Variants in ALK observed in about 807,000 individuals in gnomAD.
ALK encodes ALK tyrosine kinase receptor.
Under a neutral mutation model 163.1 loss-of-function variants are expected in ALK, and 74 were observed. That is an observed-to-expected ratio of 0.45 (90% confidence interval 0.38 to 0.55). The LOEUF is 0.55. ALK is among the 20% of genes least tolerant of loss of function. The pLI is 0.00. For missense variants in ALK, 2,063 were observed against 2,105.3 expected (o/e 0.98, Z 0.39); for synonymous variants, 960 against 843.2 (o/e 1.14, Z -2.40).
At chr2:29,647,184 C>T (rs926871523) in intron 3 of ALK, among the ~76,000 whole-genome samples, 3 of 152,282 alleles carry the variant, frequency 2.0e-5, no homozygotes, top group Admixed American at 6.5e-5. Flanking sequence ...AAATTCAATA[C>T]GGCAATGAAC....
At chr2:29,837,155 C>A (rs13417904) in intron 1 of ALK, among the ~76,000 whole-genome samples, 2 of 152,056 alleles carry the variant, frequency 1.3e-5, no homozygotes, top group Non-Finnish European at 2.9e-5. Context: ...TTAGCCTATC[C>A]GGAATTATAC....
chr2:29,354,271 G>A (rs982887562), intron 5 of ALK, among the ~76,000 whole-genome samples: 5 of 152,174 alleles, frequency 3.3e-5, no homozygotes, highest in African/African-American at 7.2e-5. Context: ...TGGTCTCTGC[G>A]CTGCGTGACT....
At chr2:29,774,038 C>T (rs1286453710) in intron 1 of ALK, among the ~76,000 whole-genome samples, 1 of 152,214 alleles carries the variant, frequency 6.6e-6, no homozygotes, top group Non-Finnish European at 1.5e-5. Flanking sequence ...AGAGCTGTTG[C>T]AGGCAAGGCA....
At chr2:29,731,235 C>T (rs1029051108) in intron 1 of ALK, among the ~76,000 whole-genome samples, 4 of 152,186 alleles carry the variant, frequency 2.6e-5, no homozygotes, top group African/African-American at 9.7e-5. Flanking sequence ...TTACAAATGA[C>T]TGAGTTAAAC....
chr2:29,809,136 G>A (rs1664690609), intron 1 of ALK, among the ~76,000 whole-genome samples: 1 of 152,214 alleles, frequency 6.6e-6, no homozygotes, highest in Non-Finnish European at 1.5e-5. Flanking sequence ...GAGTTTTACA[G>A]AAGAATATGG....
intron 1 of ALK, among the ~76,000 whole-genome samples, chr2:29,877,673 T>A (rs1163768754): frequency 6.6e-6 from 1 of 152,132 alleles, no homozygotes; most frequent in Non-Finnish European, 1.5e-5. Flanking sequence ...GGCTCAGAAT[T>A]TCACAGACGT....
At chr2:29,259,673 TTTTC>T (rs1474294778) in intron 11 of ALK, among the ~76,000 whole-genome samples, 1 of 152,152 alleles carries the variant, frequency 6.6e-6, no homozygotes, top group African/African-American at 2.4e-5. Context: ...AAAGTAATTT[TTTTC>T]TTTCTATTTA....
At chr2:29,688,014 A>G (rs922352613) in intron 3 of ALK, among the ~76,000 whole-genome samples, 2 of 152,232 alleles carry the variant, frequency 1.3e-5, no homozygotes, top group African/African-American at 4.8e-5. Flanking sequence ...TGAAATGGAA[A>G]CAAGAATTTC....
chr2:29,336,761 C>T (rs1309190325), intron 5 of ALK, among the ~76,000 whole-genome samples: 2 of 152,140 alleles, frequency 1.3e-5, no homozygotes, highest in Admixed American at 6.5e-5. Flanking sequence ...TTTTAGGGCG[C>T]TTAATTTTTA....
intron 1 of ALK, among the ~76,000 whole-genome samples, chr2:29,859,969 G>C (rs553815502): frequency 3.9e-5 from 6 of 152,164 alleles, no homozygotes; most frequent in Non-Finnish European, 8.8e-5. Flanking sequence ...AAAGGAGTCA[G>C]CAAAGAATAC....
intron 1 of ALK, among the ~76,000 whole-genome samples, chr2:29,728,427 C>A (rs997883555): frequency 6.6e-6 from 1 of 152,220 alleles, no homozygotes. Flanking sequence ...GAGCAGAACC[C>A]CACACTACCC....
At chr2:29,603,950 T>A (rs1014022916) in intron 3 of ALK, among the ~76,000 whole-genome samples, 6 of 152,186 alleles carry the variant, frequency 3.9e-5, no homozygotes, top group Non-Finnish European at 7.3e-5. Flanking sequence ...ACCCTTTTTT[T>A]TCCTTCCTAT....
intron 12 of ALK, 50 bp from the exon 13 acceptor site, chr2:29,239,880 C>T (rs771655290): frequency 3.2e-6 from 5 of 1,584,910 alleles, no homozygotes; most frequent in Middle Eastern, 1.7e-4. Context: ...GAAGACTGTC[C>T]CCCTTCCTGC....
chr2:29,389,199 A>G (rs533898042), intron 4 of ALK, among the ~76,000 whole-genome samples: 7 of 152,350 alleles, frequency 4.6e-5, no homozygotes, highest in African/African-American at 1.7e-4. Flanking sequence ...GACTGGTGAG[A>G]AAGAATAAAC....
chr2:29,336,282 T>A (rs1331867897), intron 5 of ALK, among the ~76,000 whole-genome samples: 1 of 152,144 alleles, frequency 6.6e-6, no homozygotes, highest in Non-Finnish European at 1.5e-5. Context: ...GTTTATGAGG[T>A]TGATTGGATA....
chr2:29,353,159 C>A (rs1668160752), intron 5 of ALK, among the ~76,000 whole-genome samples: 1 of 152,204 alleles, frequency 6.6e-6, no homozygotes, highest in East Asian at 1.9e-4. Flanking sequence ...AACCTAAAAT[C>A]AATGCTTGAG....
intron 4 of ALK, among the ~76,000 whole-genome samples, chr2:29,514,495 T>A (rs116639279): frequency 5.2e-4 from 79 of 152,346 alleles, no homozygotes; most frequent in African/African-American, 1.9e-3. Flanking sequence ...GCTTGAAGAC[T>A]ACTCCTGCAT....
At chr2:29,590,228 T>C (rs1468256708) in intron 3 of ALK, among the ~76,000 whole-genome samples, 3 of 152,314 alleles carry the variant, frequency 2.0e-5, no homozygotes, top group Non-Finnish European at 2.9e-5. Context: ...CTTCTGAACA[T>C]AGTGTTATTG....
intron 1 of ALK, among the ~76,000 whole-genome samples, chr2:29,905,054 G>A (rs563352121): frequency 6.6e-6 from 1 of 152,310 alleles, no homozygotes; most frequent in Admixed American, 6.5e-5. Flanking sequence ...ATAAAGGAGA[G>A]GACATGTGGG....
Sources: allele counts gnomAD v4.1 joint callset (sites outside exome capture counted in the v4.1 genomes callset), GRCh38; gene constraint gnomAD v4.1.1; transcripts MANE v1.5; gene names NCBI Gene and HGNC (gene_info 2026-07-23, HGNC 2026-07-21).